Variants in AFF2 observed in about 807,000 individuals in gnomAD.
AFF2 encodes the protein AF4/FMR2 family member 2.
A neutral mutation model predicts 76.9 loss-of-function variants in AFF2; 14 were observed. The observed-to-expected ratio is 0.18, with a 90% CI of 0.12 to 0.28. The LOEUF is 0.28. AFF2 is among the 10% of genes least tolerant of loss of function. The pLI is 1.00. For synonymous variants in AFF2, 398 were observed against 366.7 expected (o/e 1.09, Z -0.98); for missense variants, 868 against 1,001.1 (o/e 0.87, Z 1.79).
intron 1 of AFF2, among the ~76,000 whole-genome samples, chrX:148,509,568 G>GT (rs1202902796): frequency 2.7e-5 from 3 of 111,258 alleles, no homozygotes; most frequent in Admixed American, 9.5e-5. Context: ...ATGAAAATGT[G>GT]TTTTTTTTCT....
chrX:148,805,507 C>A (rs1557271259), intron 3 of AFF2, among the ~76,000 whole-genome samples: 1 of 111,593 alleles, frequency 9.0e-6, no homozygotes, highest in African/African-American at 3.3e-5. Flanking sequence ...GTGATGGCTG[C>A]TGCTTATGTC....
intron 3 of AFF2, among the ~76,000 whole-genome samples, chrX:148,725,804 G>A (rs1557264199): frequency 1.8e-5 from 2 of 112,235 alleles, no homozygotes; most frequent in Non-Finnish European, 3.8e-5. Flanking sequence ...AATTATTATG[G>A]ATAGTATATC....
At chrX:148,532,898 G>A (rs1557236082) in intron 1 of AFF2, among the ~76,000 whole-genome samples, 1 of 112,109 alleles carries the variant, frequency 8.9e-6, no homozygotes, top group Non-Finnish European at 1.9e-5. Flanking sequence ...CGGTCAAACA[G>A]TGTCTTCATA....
intron 3 of AFF2, among the ~76,000 whole-genome samples, chrX:148,745,732 T>TTTA (rs1253304099): frequency 1.8e-5 from 2 of 110,246 alleles, no homozygotes; most frequent in East Asian, 2.8e-4. Flanking sequence ...ATACTGCATT[T>TTTA]TTATTATTAT....
chrX:148,946,015 G>T (rs2071896420), intron 9 of AFF2, among the ~76,000 whole-genome samples: 1 of 112,285 alleles, frequency 8.9e-6, no homozygotes, highest in Non-Finnish European at 1.9e-5. Context: ...GGACAACCAA[G>T]CCCTGATTAG....
At chrX:148,576,656 C>CA (rs2053290282) in intron 1 of AFF2, among the ~76,000 whole-genome samples, 1 of 110,982 alleles carries the variant, frequency 9.0e-6, no homozygotes, top group African/African-American at 3.3e-5. Flanking sequence ...AGCAGTGTCA[C>CA]ATATTTGGAT....
chrX:148,648,581 A>T (rs989040929), intron 1 of AFF2, among the ~76,000 whole-genome samples: 4 of 107,778 alleles, frequency 3.7e-5, no homozygotes. Flanking sequence ...AAAAAAAAAA[A>T]AAAAGAAAAG....
chrX:148,804,001 G>C (rs1451785726), intron 3 of AFF2, among the ~76,000 whole-genome samples: 3 of 111,531 alleles, frequency 2.7e-5, no homozygotes, highest in Non-Finnish European at 5.6e-5. Context: ...ACATTCATAA[G>C]ATGTCATGGG....
chrX:148,790,921 A>T (rs2069885428), intron 3 of AFF2, among the ~76,000 whole-genome samples: 2 of 112,108 alleles, frequency 1.8e-5, no homozygotes, highest in South Asian at 7.5e-4. Context: ...AAGCTTTGGG[A>T]GATAATACTG....
chrX:148,662,076 G>C lies in AFF2; in HGVS notation c.349G>C (p.Glu117Gln). The C allele has an allele frequency of 2.5e-6, 3 of 1,209,696 alleles. No homozygotes were observed. Among genetic ancestry groups the C allele is most frequent in the Non-Finnish European group, 3.4e-6 (3 of 893,878 alleles). ...CAAAAATGAACCAAGCTTTTTTCCA[G>C]AACAAAAGAACAGAATAATTCCACC... ...NNKNEPSFFP[E>Q]QKNRIIPPHQ... Residue 117 changes from glutamate (E) to glutamine (Q), a missense_variant, in exon 3 of 21, where the codon GAA becomes CAA. Coordinates refer to ENST00000370460, the MANE Select transcript of AFF2 (RefSeq NM_002025.4).
chrX:148,966,630 A>G (rs1444964813), intron 13 of AFF2, among the ~76,000 whole-genome samples, 160 bp from the exon 14 acceptor site: 6 of 108,689 alleles, frequency 5.5e-5, no homozygotes, highest in African/African-American at 2.0e-4. Context: ...TTCATAAAAT[A>G]TCCAGGGTCA....
chrX:148,677,546 G>T (rs1268965713), intron 3 of AFF2, among the ~76,000 whole-genome samples: 1 of 112,312 alleles, frequency 8.9e-6, no homozygotes. Flanking sequence ...GAAGTGATAA[G>T]TTTCTATTAG....
chrX:148,595,108 G>T (rs1488740129), intron 1 of AFF2, among the ~76,000 whole-genome samples: 1 of 111,925 alleles, frequency 8.9e-6, no homozygotes, highest in Non-Finnish European at 1.9e-5. Flanking sequence ...TCATGCAATG[G>T]GACAGAATAG....
At chrX:148,920,926 C>G (rs1359321975) in intron 9 of AFF2, among the ~76,000 whole-genome samples, 2 of 110,629 alleles carry the variant, frequency 1.8e-5, no homozygotes, top group African/African-American at 6.6e-5. Flanking sequence ...TAAGGCTACC[C>G]CTAACTGAGC....
At chrX:148,570,183 C>T (rs1391065440) in intron 1 of AFF2, among the ~76,000 whole-genome samples, 1 of 112,078 alleles carries the variant, frequency 8.9e-6, no homozygotes, top group Non-Finnish European at 1.9e-5. Context: ...GTACAAGCTA[C>T]ATAGTGTCAC....
intron 3 of AFF2, among the ~76,000 whole-genome samples, chrX:148,769,297 T>G (rs1603297682): frequency 9.0e-6 from 1 of 111,695 alleles, no homozygotes; most frequent in East Asian, 2.8e-4. Flanking sequence ...TTGAATACAT[T>G]GGGTAAAAGG....
At chrX:148,776,429 C>T (rs782297345) in intron 3 of AFF2, among the ~76,000 whole-genome samples, 31 of 112,008 alleles carry the variant, frequency 2.8e-4, no homozygotes, top group African/African-American at 1.0e-3. Context: ...CTTGAGGAAT[C>T]GCCACACTGT....
chrX:148,965,752 G>A (rs370624182), intron 13 of AFF2, among the ~76,000 whole-genome samples: 1 of 112,205 alleles, frequency 8.9e-6, no homozygotes, highest in Non-Finnish European at 1.9e-5. Context: ...TTCCATTTGG[G>A]TGTTACCTAC....
At chrX:148,752,680 C>T (rs1557266570) in intron 3 of AFF2, among the ~76,000 whole-genome samples, 1 of 111,724 alleles carries the variant, frequency 9.0e-6, no homozygotes, top group Non-Finnish European at 1.9e-5. Context: ...ACCTTTGTGG[C>T]AGCAGAAACC....
Sources: gnomAD v4.1 joint callset for allele counts (sites outside exome capture counted in the v4.1 genomes callset) on GRCh38, gnomAD v4.1.1 for gene constraint, MANE v1.5 for transcripts, NCBI Gene and HGNC (gene_info 2026-07-23, HGNC 2026-07-21) for gene names.